The following GFM2 variants were observed in gnomAD, a reference collection of about 807,000 sequenced individuals.
The protein encoded by GFM2 is ribosome-releasing factor 2, mitochondrial.
In GFM2, 72 loss-of-function variants were observed where a neutral mutation model predicts 95.4. The ratio of observed to expected loss-of-function variants is 0.76; its 90% CI spans 0.62 to 0.92. The LOEUF (loss-of-function observed/expected upper bound fraction) is 0.92, where lower values mean the gene tolerates loss of function less well. Among genes scored for constraint, GFM2 ranks in the 40% least tolerant of loss-of-function variants. The probability of loss-of-function intolerance (pLI) is 0.00; values close to 1 mark genes in which losing one functional copy is unlikely to be tolerated. For missense variants in GFM2, 825 were observed against 924.1 expected (o/e 0.89, Z 1.39); for synonymous variants, 276 against 317.5 (o/e 0.87, Z 1.39).
At chr5:74,732,486 T>A (rs1001559135) in intron 16 of GFM2, among the ~76,000 whole-genome samples, 1 of 150,080 alleles carries the variant, frequency 6.7e-6, no homozygotes, top group Non-Finnish European at 1.5e-5. Context: ...AAAAAGAGGA[T>A]GCAGAATGTA....
chr5:74,753,442 C>T lies in GFM2; in HGVS notation c.305-1949G>A, dbSNP rs534333903. Among the ~76,000 whole-genome samples the T allele has an allele frequency of 5.2e-4, 79 of 152,128 alleles. 2 individuals are homozygous for T. In the South Asian group the frequency reaches 0.016, roughly 30 times the overall value. On this transcript the variant is annotated intron_variant, in intron 5 of 20. Coordinates refer to ENST00000296805, the MANE Select transcript of GFM2 (RefSeq NM_032380.5). ...GTGAAACCTTGTCTCTACAAAAATA[C>T]AAAAATTAGTCAAGCATGATGGTGT...
chr5:74,736,713 A>C (rs906700745), intron 15 of GFM2, 83 bp downstream of exon 15: 1 of 1,569,080 alleles, frequency 6.4e-7, no homozygotes, highest in African/African-American at 1.4e-5. Flanking sequence ...CAATCACATA[A>C]GAAATCTCTT....
At chr5:74,733,161 G>T in intron 15 of GFM2, 63 bp from the exon 16 acceptor site, 2 of 1,248,016 alleles carry the variant, frequency 1.6e-6, no homozygotes, top group Non-Finnish European at 2.3e-6. Flanking sequence ...ATATGTTCTA[G>T]TGGGTAAAAC....
chr5:74,736,704 A>C lies in GFM2; in HGVS notation c.1510+92T>G, dbSNP rs1204366460. ...AATATATTCAGATAAAATTTACCTC[A>C]ATCACATAAGAAATCTCTTGAGGGT... On this transcript the variant is annotated intron_variant, in intron 15 of 20. Transcript: ENST00000296805. 3 of 1,555,598 alleles carry C rather than the reference A, an allele frequency of 1.9e-6. No individual in the cohort carries two copies. In the African/African-American group the frequency reaches 4.1e-5, roughly 21 times the overall value.
intron 16 of GFM2, chr5:74,730,829 T>C (rs1356201150): frequency 6.5e-6 from 1 of 153,578 alleles, no homozygotes; most frequent in Non-Finnish European, 1.4e-5. Context: ...TTTATTTATT[T>C]TGAGATGGAG....
chr5:74,755,021 G>A (rs544176644), intron 5 of GFM2, among the ~76,000 whole-genome samples: 5 of 152,206 alleles, frequency 3.3e-5, no homozygotes, highest in South Asian at 2.1e-4. Flanking sequence ...GCTTGAACCC[G>A]GGAGGTGGAG....
In GFM2 at chr5:74,721,212, A is replaced by ACAAT. The variant is rs577816925; in HGVS notation, c.*439_*442dup. On this transcript the variant is annotated 3_prime_UTR_variant, in exon 21 of 21. Coordinates refer to ENST00000296805, the MANE Select transcript of GFM2 (RefSeq NM_032380.5). ...GAAAAAGGCCACAGCAATCTGTACT[A>ACAAT]CAATCAACTTTATTTTGAAATCATG... 27 of 1,439,328 alleles carry ACAAT rather than the reference A, an allele frequency of 1.9e-5. No individual in the cohort carries two copies. The highest frequency in any genetic ancestry group is 1.8e-4 in the East Asian group (8 of 43,912). The allele number at this position is 1,439,328 out of a possible 1,614,324, so 89.2% of individuals were successfully genotyped here.
chr5:74,729,170 C>G (rs1750297721), intron 17 of GFM2, among the ~76,000 whole-genome samples: 1 of 152,174 alleles, frequency 6.6e-6, no homozygotes, highest in Non-Finnish European at 1.5e-5. Context: ...TCTTCTTGGT[C>G]TGGAGTTTTT....
intron 4 of GFM2, 34 bp from the exon 5 acceptor site, chr5:74,758,980 T>G (rs1027835737): frequency 1.5e-6 from 2 of 1,374,310 alleles, no homozygotes; most frequent in Non-Finnish European, 2.1e-6. Flanking sequence ...TAAACTTTAC[T>G]AAAATTGTAA....
At position 74,758,890 on chromosome 5, in the gene GFM2, T is replaced by C. The variant is rs149216145; in HGVS notation, c.263A>G (p.Glu88Gly). The C allele has an allele frequency of 7.8e-5, 125 of 1,610,232 alleles. No homozygotes were observed. Among genetic ancestry groups the C allele is most frequent in the Non-Finnish European group, 1.0e-4 (118 of 1,176,594 alleles). ...HIDAGKTTTTERILYYSGYTR... is the reference protein window; with the variant it reads ...HIDAGKTTTTGRILYYSGYTR... ...ATATCCGGAATAGTACAATATTCTTTCTGTGGTGGTAGTTTTGCCTGCATC... is the reference window on the plus strand; with the variant it reads ...ATATCCGGAATAGTACAATATTCTTCCTGTGGTGGTAGTTTTGCCTGCATC... The change falls in exon 5 of 21, where the codon GAA becomes GGA. Residue 88 changes from glutamate to glycine, a missense_variant. Transcript: ENST00000296805.
chr5:74,736,214 C>T (rs1369187145), intron 15 of GFM2: 1 of 265,496 alleles, frequency 3.8e-6, no homozygotes, highest in African/African-American at 2.3e-5. Flanking sequence ...GGGTTTTCTG[C>T]TATATGTAAC....
rs753693719 is a variant in GFM2, at chr5:74,721,747, A to AG, written c.2247dup (p.Ser750LeufsTer44). On this transcript the variant is annotated frameshift_variant, in exon 21 of 21. Transcript: ENST00000296805. LOFTEE classifies it high-confidence loss of function. ...GATAGTTCTAAGGCAAAAGTAGCTG[A>AG]GCCTGATGTTAGCGTTCGAAGCACA... 2 of 1,613,584 alleles carry AG rather than the reference A, an allele frequency of 1.2e-6. No homozygotes were observed. Among genetic ancestry groups the AG allele is most frequent in the Admixed American group, 3.3e-5 (2 of 59,962 alleles).
At chr5:74,755,062 C>T (rs1462254282) in intron 5 of GFM2, among the ~76,000 whole-genome samples, 5 of 152,268 alleles carry the variant, frequency 3.3e-5, no homozygotes, top group African/African-American at 1.2e-4. Flanking sequence ...CACCATTTCA[C>T]TCCAGGCTAG....
chr5:74,748,477 C>CA (rs1441032434), intron 7 of GFM2, among the ~76,000 whole-genome samples: 1 of 152,172 alleles, frequency 6.6e-6, no homozygotes, highest in Admixed American at 6.5e-5. Flanking sequence ...GAACCTCATA[C>CA]AAAATAGCAT....
chr5:74,727,336 T>G (rs973399741), intron 17 of GFM2, among the ~76,000 whole-genome samples: 16 of 152,328 alleles, frequency 1.1e-4, no homozygotes, highest in South Asian at 2.1e-4. Flanking sequence ...CATTATTTTC[T>G]TTAGTGTTAT....
chr5:74,736,073 G>C (rs1303894202), intron 15 of GFM2, among the ~76,000 whole-genome samples: 2 of 152,156 alleles, frequency 1.3e-5, no homozygotes, highest in Admixed American at 6.5e-5. Context: ...ACTCAGGCAG[G>C]ACAAAAAGAT....
intron 12 of GFM2, among the ~76,000 whole-genome samples, chr5:74,739,689 A>C (rs1743017680): frequency 6.6e-6 from 1 of 152,172 alleles, no homozygotes; most frequent in South Asian, 2.1e-4. Flanking sequence ...ATAACTATAG[A>C]ATATTTAACA....
rs1744432556 is a variant in GFM2, at chr5:74,764,345, C to T, written c.-24-579G>A. Among the ~76,000 whole-genome samples, 6 of 152,160 alleles carry T rather than the reference C, an allele frequency of 3.9e-5. No individual in the cohort carries two copies. The South Asian group carries it at 8.3e-4, about 21-fold the overall frequency. Reference sequence around the variant, plus strand: ...ATCAAAGCTATTAGAAATATAAGGACGCAGCTGAGACTGGGGATGCTGGGG... The same window carrying T: ...ATCAAAGCTATTAGAAATATAAGGATGCAGCTGAGACTGGGGATGCTGGGG... On this transcript the variant is annotated intron_variant, in intron 1 of 20. Coordinates refer to ENST00000296805, the MANE Select transcript of GFM2 (RefSeq NM_032380.5).
In GFM2 at chr5:74,747,884, C is replaced by T. The variant is rs1277868458; in HGVS notation, c.520-104G>A. 4.7e-6 allele frequency: 3 copies of T among 636,390 alleles called. No individual in the cohort carries two copies. The East Asian group carries it at 8.4e-5, about 18-fold the overall frequency. 39.4% of individuals were successfully genotyped at this position (636,390 alleles called of 1,614,324 possible). On this transcript the variant is annotated intron_variant, in intron 7 of 20. Transcript: ENST00000296805. ...AATCTACTGTCAGATAAATTGGGCC[C>T]TATTCTAGCAGAGAATTAGTGCAAC...
Sources: gnomAD v4.1 joint callset for allele counts (sites outside exome capture counted in the v4.1 genomes callset) on GRCh38, gnomAD v4.1.1 for gene constraint, MANE v1.5 for transcripts, NCBI Gene and HGNC (gene_info 2026-07-23, HGNC 2026-07-21) for gene names.